SZT2: variants seen among roughly 807,000 people sequenced by gnomAD.
SZT2 encodes the protein KICSTOR complex protein SZT2.
In SZT2, 216 loss-of-function variants were observed where a neutral mutation model predicts 404.2. The observed-to-expected ratio is 0.53, with a 90% CI of 0.48 to 0.60. The LOEUF (loss-of-function observed/expected upper bound fraction) is 0.60. Ranked by LOEUF, SZT2 falls within the 20% of genes least tolerant of loss-of-function variation. The probability of loss-of-function intolerance (pLI) is 0.00; values close to 1 mark genes in which losing one functional copy is unlikely to be tolerated. For synonymous variants in SZT2, 1,693 were observed against 1,749.9 expected, an observed-to-expected ratio of 0.97 and a Z score of 0.81; for missense variants, 3,857 against 4,459.2, an observed-to-expected ratio of 0.86 and a Z score of 3.85.
intron 62 of SZT2, 143 bp from the exon 63 acceptor site, chr1:43,445,751 G>A (rs1200721230): frequency 2.2e-5 from 18 of 806,580 alleles, no homozygotes; most frequent in African/African-American, 3.4e-5. Flanking sequence ...TCCAAGCCCA[G>A]CCTTGCCACT....
In SZT2 at chr1:43,420,703, A is replaced by C; in HGVS notation, c.1262-46A>C. On this transcript the variant is annotated intron_variant, in intron 9 of 71. Coordinates refer to ENST00000634258, the MANE Select transcript of SZT2 (RefSeq NM_001365999.1). The surrounding 1 kb of genome is among the most constrained non-coding windows in gnomAD (Gnocchi z 5.1). ...TCAGATAGAACTCGATCCCAGGCCT[A>C]GAGTCCTATGCCTTCTCCTAACTGG... The C allele has an allele frequency of 6.4e-7, 1 of 1,556,706 alleles. No individual in the cohort carries two copies. Among genetic ancestry groups the C allele is most frequent in the Non-Finnish European group, 8.7e-7 (1 of 1,144,136 alleles).
rs1012469774 is a variant in SZT2 at position 43,439,450 on chromosome 1, G to A, written c.6877+8G>A. Reference sequence around the variant, plus strand: ...AGGGCACTGGGGGCAAAGGTACGGTGCAGGGCACGGGCCTGTGGCACCACC... The same window carrying A: ...AGGGCACTGGGGGCAAAGGTACGGTACAGGGCACGGGCCTGTGGCACCACC... On this transcript the variant is annotated splice_region_variant and intron_variant, in intron 49 of 71. Coordinates refer to ENST00000634258, the MANE Select transcript of SZT2 (RefSeq NM_001365999.1). This position sits in a 1 kb window ranked among gnomAD's most constrained non-coding sequence, Gnocchi z 4.2. 1 of 1,608,110 alleles carries A rather than the reference G, an allele frequency of 6.2e-7. No homozygotes were observed.
At chr1:43,412,047 G>C (rs1444524119) in intron 4 of SZT2, 1 of 152,156 alleles carries the variant, frequency 6.6e-6, no homozygotes, top group Non-Finnish European at 1.5e-5. Flanking sequence ...CAAAGTGCTG[G>C]GATTACAGGC....
Position 43,452,353 on chromosome 1 carries a change from C to A in SZT2, c.*1873C>A. On this transcript the variant is annotated 3_prime_UTR_variant, in exon 72 of 72. Transcript: ENST00000634258. ...AAGATGGACTGGAGGCCTTGCCTCC[C>A]TTGGCTCTCTCTGCACCTCTTCCAG... 1.3e-6 allele frequency: 2 copies of A among 1,516,548 alleles called. No homozygotes were observed. Among genetic ancestry groups the A allele is most frequent in the African/African-American group, 1.4e-5 (1 of 73,074 alleles). 93.9% of individuals were successfully genotyped at this position (1,516,548 alleles called of 1,614,324 possible). A position where few individuals can be genotyped will look rare whatever the true frequency, so the allele number is the denominator to read the frequency against.
rs769412660 is a variant in SZT2, at chr1:43,448,638, C to T, written c.9996C>T (p.Ser3332=). The change falls in exon 70 of 72, where the codon TCC becomes TCT. Residue 3332 remains serine (S), a synonymous_variant. Transcript: ENST00000634258. The surrounding 1 kb of genome is among the most constrained non-coding windows in gnomAD (Gnocchi z 4.2). ...ACTGCTTCCTATCCATGACGGTCTC[C>T]TGGTACCAGAGCCTGATCAAAGTTC... ...QLDCFLSMTV[S]WYQSLIKVLL... The T allele has an allele frequency of 8.1e-6, 13 of 1,614,212 alleles. No homozygotes were observed. The highest frequency in any genetic ancestry group is 2.2e-5 in the South Asian group (2 of 91,088).
At chr1:43,401,393 A>G (rs558070723) in intron 1 of SZT2, among the ~76,000 whole-genome samples, 177 of 152,370 alleles carry the variant, frequency 1.2e-3, no homozygotes, top group Non-Finnish European at 2.3e-3. Flanking sequence ...TCTCACAGCT[A>G]ATAAGTGGAT....
rs1301812579 is a variant in SZT2 at position 43,451,980 on chromosome 1, T to C, written c.*1500T>C. 1 of 1,610,916 alleles carries C rather than the reference T, an allele frequency of 6.2e-7. No homozygotes were observed. The highest frequency in any genetic ancestry group is 8.5e-7 in the Non-Finnish European group (1 of 1,178,012). On this transcript the variant is annotated 3_prime_UTR_variant, in exon 72 of 72. Transcript: ENST00000634258. ...AAGTACTGGGGGTCAGTGATGCGGG[T>C]GTTGATGGGCTCCAGCAGTCCCACG...
rs1653214070 is a variant in SZT2, at chr1:43,426,862, A to G, written c.3309+53A>G. On this transcript the variant is annotated intron_variant, in intron 23 of 71. Coordinates refer to ENST00000634258, the MANE Select transcript of SZT2 (RefSeq NM_001365999.1). The surrounding 1 kb of genome is among the most constrained non-coding windows in gnomAD (Gnocchi z 4.9). The stretch of plus-strand genomic sequence containing the variant: ...CTTGTCACACTGACCTCCTTCCAGC[A>G]CCACATCTTCAGGCCCCAACCTTCT... The G allele has an allele frequency of 2.6e-5, 42 of 1,587,094 alleles. No individual in the cohort carries two copies. Among genetic ancestry groups the G allele is most frequent in the Non-Finnish European group, 3.5e-5 (41 of 1,158,696 alleles).
Position 43,443,436 on chromosome 1 carries a change from C to T in SZT2, c.8584C>T (p.Leu2862=), listed in dbSNP as rs1172594582. The change falls in exon 61 of 72, where the codon CTG becomes TTG. Residue 2862 remains leucine (L), a synonymous_variant. Coordinates refer to ENST00000634258, the MANE Select transcript of SZT2 (RefSeq NM_001365999.1). ...TAMLFDPAAW[L]HGPPETSGPP... is the part of the protein sequence containing the mutation. ...CATGCTCTTCGACCCAGCTGCCTGGCTGCATGGGCCCCCAGAGACCTCTGG... is the reference window on the plus strand; with the variant it reads ...CATGCTCTTCGACCCAGCTGCCTGGTTGCATGGGCCCCCAGAGACCTCTGG... The T allele has an allele frequency of 8.1e-6, 13 of 1,614,120 alleles. No individual in the cohort carries two copies. Among genetic ancestry groups the T allele is most frequent in the Non-Finnish European group, 1.0e-5 (12 of 1,180,048 alleles).
Position 43,451,737 on chromosome 1 carries a change from A to G in SZT2, c.*1257A>G. The G allele has an allele frequency of 6.2e-7, 1 of 1,613,658 alleles. No homozygotes were observed. Among genetic ancestry groups the G allele is most frequent in the Non-Finnish European group, 8.5e-7 (1 of 1,179,730 alleles). On this transcript the variant is annotated 3_prime_UTR_variant, in exon 72 of 72. Coordinates refer to ENST00000634258, the MANE Select transcript of SZT2 (RefSeq NM_001365999.1). Reference sequence around the variant, plus strand: ...TATGTCCTAGGGAAGAGGATACTACATTCCGAGACCCCGCAGGCCCCGCCC... The same window carrying G: ...TATGTCCTAGGGAAGAGGATACTACGTTCCGAGACCCCGCAGGCCCCGCCC...
chr1:43,392,716 G>A (rs1456228938), intron 1 of SZT2, among the ~76,000 whole-genome samples: 1 of 152,126 alleles, frequency 6.6e-6, no homozygotes, highest in Non-Finnish European at 1.5e-5. Flanking sequence ...CCCAGCCTAA[G>A]TTAAGCATTT....
At position 43,421,079 on chromosome 1, in the gene SZT2, C is replaced by T. The variant is rs115249727; in HGVS notation, c.1497-95C>T. ...AGCTGGGGAGCATCACCCAGAGAAC[C>T]AGGCTTATATCCAGGGTCCCATGTC... is the stretch of plus-strand genomic sequence containing the variant. On this transcript the variant is annotated intron_variant, in intron 10 of 71. Coordinates refer to ENST00000634258, the MANE Select transcript of SZT2 (RefSeq NM_001365999.1). The T allele has an allele frequency of 7.6e-4, 1,211 of 1,594,778 alleles. 3 individuals carry two copies. The African/African-American group carries it at 0.015, about 20-fold the overall frequency.
chr1:43,451,451 T>C lies in SZT2; in HGVS notation c.*971T>C, dbSNP rs770932595. The C allele has an allele frequency of 6.2e-7, 1 of 1,613,990 alleles. No homozygotes were observed. The highest frequency in any genetic ancestry group is 1.1e-5 in the South Asian group (1 of 91,086). On this transcript the variant is annotated 3_prime_UTR_variant, in exon 72 of 72. Coordinates refer to ENST00000634258, the MANE Select transcript of SZT2 (RefSeq NM_001365999.1). Reference sequence around the variant, plus strand: ...ACAGCCCACGAAGCCTTTGTAGCCTTCATCTTCCAGCAGTTGAAACAGATA... The same window carrying C: ...ACAGCCCACGAAGCCTTTGTAGCCTCCATCTTCCAGCAGTTGAAACAGATA...
chr1:43,439,962 G>A lies in SZT2; in HGVS notation c.7124G>A (p.Arg2375Gln), dbSNP rs764664600. Residue 2375 changes from arginine to glutamine, a missense_variant, in exon 51 of 72, where the codon CGA (arginine) becomes CAA (glutamine). Arg to Gln is a conservative substitution (Grantham distance 43, BLOSUM62 1). Around this residue, in one of 7 missense-constraint regions of SZT2, gnomAD observed 573 missense variants for 592.4 expected, o/e 0.97. Coordinates refer to ENST00000634258, the MANE Select transcript of SZT2 (RefSeq NM_001365999.1). The surrounding 1 kb of genome is among the most constrained non-coding windows in gnomAD (Gnocchi z 4.2). Reference protein sequence around the residue: ...ISIVQLEEKLRGAARQALADA... With the variant: ...ISIVQLEEKLQGAARQALADA... ...ATTGTGCAGCTGGAGGAGAAACTCCGAGGAGCAGCTCGCCAGGCCCTGGCC... is the reference window on the plus strand; with the variant it reads ...ATTGTGCAGCTGGAGGAGAAACTCCAAGGAGCAGCTCGCCAGGCCCTGGCC... 1.4e-5 allele frequency: 23 copies of A among 1,614,108 alleles called. No individual in the cohort carries two copies. The East Asian group carries it at 1.6e-4, about 11-fold the overall frequency.
Position 43,437,155 on chromosome 1 carries a change from G to C in SZT2, c.6035-16G>C, listed in dbSNP as rs2153934961. 1 of 1,613,702 alleles carries C rather than the reference G, an allele frequency of 6.2e-7. No individual in the cohort carries two copies. The highest frequency in any genetic ancestry group is 8.5e-7 in the Non-Finnish European group (1 of 1,179,820). On this transcript the variant is annotated splice_polypyrimidine_tract_variant and intron_variant, in intron 42 of 71. Coordinates refer to ENST00000634258, the MANE Select transcript of SZT2 (RefSeq NM_001365999.1). This position sits in a 1 kb window ranked among gnomAD's most constrained non-coding sequence, Gnocchi z 5.3. Reference sequence around the variant, plus strand: ...GTGGTGTGTCCCATTTCTAATCCCTGCTCCCCCTCACCCAGATTATGCTGC... The same window carrying C: ...GTGGTGTGTCCCATTTCTAATCCCTCCTCCCCCTCACCCAGATTATGCTGC...
Position 43,437,831 on chromosome 1 carries a change from C to T in SZT2, c.6437C>T (p.Ser2146Leu), listed in dbSNP as rs770875237. Reference protein sequence around the residue: ...SPLDMVSSRSSDAARPVGQVD... With the variant: ...SPLDMVSSRSLDAARPVGQVD... ...TTAGACATGGTCTCTAGCCGCAGTT[C>T]AGATGCTGCTCGTCCTGTGGGCCAA... Residue 2146 changes from serine (S) to leucine (L), a missense_variant, in exon 46 of 72, where the codon TCA (serine) becomes TTA (leucine). This residue lies in a region of SZT2 where 261 missense variants were observed against 372.9 expected (regional missense o/e 0.70). Coordinates refer to ENST00000634258, the MANE Select transcript of SZT2 (RefSeq NM_001365999.1). This position sits in a 1 kb window ranked among gnomAD's most constrained non-coding sequence, Gnocchi z 5.3. 1 of 1,614,162 alleles carries T rather than the reference C, an allele frequency of 6.2e-7. No individual in the cohort carries two copies. Among genetic ancestry groups the T allele is most frequent in the Non-Finnish European group, 8.5e-7 (1 of 1,180,034 alleles).
chr1:43,447,141 C>A lies in SZT2; in HGVS notation c.9259C>A (p.His3087Asn). 6.2e-7 allele frequency: 1 copy of A among 1,613,258 alleles called. No homozygotes were observed. The highest frequency in any genetic ancestry group is 2.2e-5 in the East Asian group (1 of 44,864). The change falls in exon 66 of 72, where the codon CAC becomes AAC. Residue 3087 changes from histidine (H) to asparagine (N), a missense_variant. His to Asn is a moderately conservative substitution (Grantham distance 68). Transcript: ENST00000634258. ...HFLAHHPDGP[H>N]FGRNHIYQGT... ...CCTGGCCCACCACCCTGACGGACCC[C>A]ACTTTGGCCGCAATCACATTTACCA...
chr1:43,398,114 G>C (rs1415985559), intron 1 of SZT2, among the ~76,000 whole-genome samples: 1 of 152,154 alleles, frequency 6.6e-6, no homozygotes, highest in Non-Finnish European at 1.5e-5. Flanking sequence ...GCTGAAACAG[G>C]CTGGCATTTG....
In SZT2 at chr1:43,439,569, T is replaced by C; in HGVS notation, c.6878-36T>C. The C allele has an allele frequency of 6.2e-7, 1 of 1,612,878 alleles. No homozygotes were observed. The highest frequency in any genetic ancestry group is 8.5e-7 in the Non-Finnish European group (1 of 1,179,372). On this transcript the variant is annotated intron_variant, in intron 49 of 71. Transcript: ENST00000634258. The surrounding 1 kb of genome is among the most constrained non-coding windows in gnomAD (Gnocchi z 4.2). Reference sequence around the variant, plus strand: ...GGTCGTGGGAGGGGTGGTCTGCAAGTCCCAGAGCTGAGCCTTCCTATGGAT... The same window carrying C: ...GGTCGTGGGAGGGGTGGTCTGCAAGCCCCAGAGCTGAGCCTTCCTATGGAT...
Sources: allele counts gnomAD v4.1 joint callset (sites outside exome capture counted in the v4.1 genomes callset), GRCh38; gene constraint gnomAD v4.1.1; regional missense constraint gnomAD v4.1.1; non-coding constraint Gnocchi (gnomAD v3.1); transcripts MANE v1.5; gene names NCBI Gene and HGNC (gene_info 2026-07-23, HGNC 2026-07-21).